The following ATP9B variants were observed in gnomAD, a reference collection of about 807,000 sequenced individuals.
ATP9B encodes the protein ATPase phospholipid transporting 9B.
In ATP9B, 110 loss-of-function variants were observed where a neutral mutation model predicts 146.1. The ratio of observed to expected loss-of-function variants is 0.75; its 90% CI spans 0.65 to 0.88. The LOEUF is 0.88. Among genes scored for constraint, ATP9B ranks in the 40% least tolerant of loss-of-function variants. The pLI is 0.00. For synonymous variants in ATP9B, 604 were observed against 569.7 expected, an observed-to-expected ratio of 1.06 and a Z score of -0.86; for missense variants, 1,499 against 1,496.4, an observed-to-expected ratio of 1.00 and a Z score of -0.03.
rs773403288 is a variant in ATP9B at position 79,376,388 on chromosome 18, C to CT, written c.3308-859_3308-858insT. 6.0e-3 allele frequency: 5,312 copies of CT among 886,930 alleles called. 4 individuals are homozygous for CT. Among genetic ancestry groups the CT allele is most frequent in the East Asian group, 0.015 (115 of 7,838 alleles). The allele number at this position is 886,930 out of a possible 1,614,324, so 54.9% of individuals were successfully genotyped here. Reference sequence around the variant, plus strand: ...TTTGGTGACATTAGTCATCTGCAACCATTTTTTTTTTTTTTTTTGAGACGA... The same window carrying CT: ...TTTGGTGACATTAGTCATCTGCAACCTATTTTTTTTTTTTTTTTTGAGACGA... On this transcript the variant is annotated intron_variant, in intron 29 of 29. Coordinates refer to ENST00000426216, the MANE Select transcript of ATP9B (RefSeq NM_198531.5).
intron 11 of ATP9B, among the ~76,000 whole-genome samples, chr18:79,228,737 T>C (rs1213321071): frequency 6.6e-6 from 1 of 152,190 alleles, no homozygotes; most frequent in Non-Finnish European, 1.5e-5. Context: ...AATGAACAGA[T>C]TTAAGAAGCT....
chr18:79,245,908 C>T (rs1219867975), intron 11 of ATP9B, among the ~76,000 whole-genome samples: 5 of 143,222 alleles, frequency 3.5e-5, no homozygotes, highest in Non-Finnish European at 6.1e-5. Flanking sequence ...AGGAGGGCAC[C>T]GCCCTACTGA....
chr18:79,264,172 G>C (rs2096176796), intron 12 of ATP9B, among the ~76,000 whole-genome samples: 1 of 152,188 alleles, frequency 6.6e-6, no homozygotes, highest in Admixed American at 6.5e-5. Flanking sequence ...ATGTTTAACT[G>C]TTTTTCAAAG....
intron 7 of ATP9B, among the ~76,000 whole-genome samples, chr18:79,167,333 C>T (rs958126957): frequency 6.6e-6 from 1 of 152,114 alleles, no homozygotes; most frequent in Non-Finnish European, 1.5e-5. Flanking sequence ...GTTTATTGAG[C>T]GACAGTACAG....
At chr18:79,336,383 A>G (rs2096827210) in intron 17 of ATP9B, among the ~76,000 whole-genome samples, 1 of 152,362 alleles carries the variant, frequency 6.6e-6, no homozygotes, top group Non-Finnish European at 1.5e-5. Flanking sequence ...AACTCCATCC[A>G]GTGTCTTTGC....
At chr18:79,255,876 A>G (rs2096072389) in intron 12 of ATP9B, among the ~76,000 whole-genome samples, 1 of 152,132 alleles carries the variant, frequency 6.6e-6, no homozygotes, top group Admixed American at 6.5e-5. Context: ...GACACTTCTG[A>G]GATACTGCTT....
chr18:79,344,390 G>C, intron 21 of ATP9B, 36 bp downstream of exon 21: 1 of 1,595,336 alleles, frequency 6.3e-7, no homozygotes, highest in Non-Finnish European at 8.6e-7. Flanking sequence ...ATGTCTGTCT[G>C]TGTCTCTGAG....
At chr18:79,242,771 A>G (rs1438554795) in intron 11 of ATP9B, among the ~76,000 whole-genome samples, 1 of 152,268 alleles carries the variant, frequency 6.6e-6, no homozygotes, top group Admixed American at 6.5e-5. Flanking sequence ...GCCATTAAGT[A>G]TGAAATGGCT....
At chr18:79,087,808 T>A (rs745570280) in intron 1 of ATP9B, 4 of 152,242 alleles carry the variant, frequency 2.6e-5, no homozygotes, top group Non-Finnish European at 5.9e-5. Flanking sequence ...GCAGTTCAGA[T>A]AGCTGTCCTT....
At chr18:79,265,367 A>G (rs12966944) in intron 12 of ATP9B, among the ~76,000 whole-genome samples, 66,450 of 151,834 alleles carry the variant, frequency 0.44, 14,761 homozygotes, top group Middle Eastern at 0.55. Context: ...GCTGGTCTCA[A>G]ACTCCTGACC....
At chr18:79,281,956 GGGA>G (rs1473452594) in intron 13 of ATP9B, among the ~76,000 whole-genome samples, 3 of 152,244 alleles carry the variant, frequency 2.0e-5, no homozygotes, top group African/African-American at 7.2e-5. Flanking sequence ...CGTGGTACCT[GGGA>G]GGAGGTCAGC....
chr18:79,177,972 G>A (rs943798560), intron 8 of ATP9B, among the ~76,000 whole-genome samples: 8 of 152,128 alleles, frequency 5.3e-5, no homozygotes, highest in African/African-American at 1.2e-4. Context: ...ACATTTTTCC[G>A]TGGTCAGTGA....
chr18:79,083,516 A>C (rs929785861), intron 1 of ATP9B, among the ~76,000 whole-genome samples: 11 of 152,122 alleles, frequency 7.2e-5, no homozygotes, highest in African/African-American at 2.7e-4. Context: ...TTGTGCTTGA[A>C]ATGCAGGGCC....
At chr18:79,244,259 C>A (rs1352877061) in intron 11 of ATP9B, among the ~76,000 whole-genome samples, 2 of 152,104 alleles carry the variant, frequency 1.3e-5, no homozygotes, top group Non-Finnish European at 2.9e-5. Context: ...CCCTGCCCTC[C>A]TGTGCACCTA....
chr18:79,330,536 C>T (rs1395695993), intron 17 of ATP9B, among the ~76,000 whole-genome samples: 1 of 152,038 alleles, frequency 6.6e-6, no homozygotes, highest in East Asian at 1.9e-4. Flanking sequence ...CCTCAGCCTC[C>T]CAAGTAGCTG....
intron 15 of ATP9B, among the ~76,000 whole-genome samples, chr18:79,318,541 C>G (rs529172031): frequency 8.5e-5 from 13 of 152,308 alleles, no homozygotes; most frequent in African/African-American, 3.1e-4. Flanking sequence ...GACATGAAAA[C>G]TAAATGTGAC....
Position 79,069,405 on chromosome 18 carries a change from C to A in ATP9B, c.-6C>A. The A allele has an allele frequency of 1.3e-6, 2 of 1,487,076 alleles. No homozygotes were observed. Among genetic ancestry groups the A allele is most frequent in the South Asian group, 1.3e-5 (1 of 75,856 alleles). 92.1% of individuals were successfully genotyped at this position (1,487,076 alleles called of 1,614,324 possible). A position where few individuals can be genotyped will look rare whatever the true frequency, so the allele number is the denominator to read the frequency against. ...GTGGGAGGGGCGGGAAAGGGGCGGT[C>A]GGAACATGGCGGACCAGATCCCGCT... is the stretch of plus-strand genomic sequence containing the variant. On this transcript the variant is annotated 5_prime_UTR_variant, in exon 1 of 30. Coordinates refer to ENST00000426216, the MANE Select transcript of ATP9B (RefSeq NM_198531.5).
chr18:79,208,135 C>A (rs1252353726), intron 10 of ATP9B, among the ~76,000 whole-genome samples: 5 of 152,160 alleles, frequency 3.3e-5, no homozygotes, highest in Non-Finnish European at 7.3e-5. Flanking sequence ...GTCCCAGCTA[C>A]TCGGGGGGCT....
chr18:79,143,251 G>A (rs1232683931), intron 5 of ATP9B, among the ~76,000 whole-genome samples: 1 of 152,158 alleles, frequency 6.6e-6, no homozygotes, highest in Non-Finnish European at 1.5e-5. Context: ...TTCTACATTA[G>A]ATGTTTCGTA....
Sources: allele counts gnomAD v4.1 joint callset (sites outside exome capture counted in the v4.1 genomes callset), GRCh38; gene constraint gnomAD v4.1.1; transcripts MANE v1.5; gene names NCBI Gene and HGNC (gene_info 2026-07-23, HGNC 2026-07-21).